AK8: variants seen among roughly 807,000 people sequenced by gnomAD.
AK8 encodes ATP-AMP transphosphorylase 8.
Under a neutral mutation model 54.6 loss-of-function variants are expected in AK8, and 44 were observed. The ratio of observed to expected loss-of-function variants is 0.81; its 90% CI spans 0.63 to 1.04. The LOEUF (loss-of-function observed/expected upper bound fraction) is 1.04, where lower values mean the gene tolerates loss of function less well. Among genes scored for constraint, AK8 ranks in the 50% least tolerant of loss-of-function variants. AK8 has a pLI of 0.00. For missense variants in AK8, 555 were observed against 613.6 expected (o/e 0.90, Z 1.01); for synonymous variants, 239 against 245.6 (o/e 0.97, Z 0.25).
chr9:132,764,763 C>T (rs1838644795), intron 11 of AK8, among the ~76,000 whole-genome samples: 1 of 152,126 alleles, frequency 6.6e-6, no homozygotes, highest in Admixed American at 6.5e-5. Context: ...ATAGTAATGG[C>T]CAAAACCACA....
intron 11 of AK8, among the ~76,000 whole-genome samples, chr9:132,749,569 G>T (rs576725775): frequency 6.6e-6 from 1 of 151,924 alleles, no homozygotes; most frequent in Non-Finnish European, 1.5e-5. Context: ...AGCTTGCCCC[G>T]ATATCGGCTG....
chr9:132,741,086 G>A (rs555391692), intron 11 of AK8, among the ~76,000 whole-genome samples: 1 of 152,280 alleles, frequency 6.6e-6, no homozygotes, highest in African/African-American at 2.4e-5. Context: ...GGGGCACCCT[G>A]GGCAAGCTGA....
At chr9:132,810,458 A>G (rs1035554616) in intron 10 of AK8, among the ~76,000 whole-genome samples, 9 of 152,192 alleles carry the variant, frequency 5.9e-5, no homozygotes, top group Non-Finnish European at 1.3e-4. Flanking sequence ...GGATGAATTA[A>G]GCCGGCTCTG....
At chr9:132,810,974 C>T (rs1407210971) in intron 10 of AK8, among the ~76,000 whole-genome samples, 1 of 151,932 alleles carries the variant, frequency 6.6e-6, no homozygotes, top group Non-Finnish European at 1.5e-5. Flanking sequence ...GGAAAATGGG[C>T]AAAGGGAAAA....
chr9:132,733,254 G>A (rs1836939810), intron 11 of AK8, among the ~76,000 whole-genome samples: 1 of 151,682 alleles, frequency 6.6e-6, no homozygotes, highest in South Asian at 2.1e-4. Context: ...CGGGGAGTGT[G>A]TAAACACAGG....
In AK8 at chr9:132,814,684, G is replaced by T. The variant is rs1426024195; in HGVS notation, c.933C>A (p.Thr311=). 5.6e-6 allele frequency: 9 copies of T among 1,613,956 alleles called. No homozygotes were observed. Among genetic ancestry groups the T allele is most frequent in the Non-Finnish European group, 7.6e-6 (9 of 1,180,040 alleles). Residue 311 remains threonine, a synonymous_variant, in exon 10 of 13, where the codon ACC becomes ACA. Transcript: ENST00000298545. The part of the protein sequence containing the change: ...QLLKEAVADR[T]TFGELIQPFF... ...AGGGCTGGATGAGCTCGCCAAACGTGGTCCTATCTGCCACAGCCTCTTTCA... is the reference window on the plus strand; with the variant it reads ...AGGGCTGGATGAGCTCGCCAAACGTTGTCCTATCTGCCACAGCCTCTTTCA...
chr9:132,764,288 C>A (rs1346928733), intron 11 of AK8, among the ~76,000 whole-genome samples: 1 of 152,004 alleles, frequency 6.6e-6, no homozygotes, highest in Non-Finnish European at 1.5e-5. Context: ...CCAGCCTGGA[C>A]AACAGAGCAA....
At chr9:132,865,250 C>A (rs73550622) in intron 3 of AK8, among the ~76,000 whole-genome samples, 17,744 of 152,186 alleles carry the variant, frequency 0.12, 2,210 homozygotes, top group African/African-American at 0.31. Context: ...GAAGGGTGAG[C>A]AGATGGACAG....
In AK8 at chr9:132,725,733, G is replaced by A; in HGVS notation, c.1395C>T (p.Tyr465=). Residue 465 remains tyrosine (Y), a synonymous_variant, in exon 13 of 13, where the codon TAC becomes TAT. Transcript: ENST00000298545. ...GGGGATTAATGATCCCACTCTCGAT[G>A]TATTCGAAGACTGTGTATGGGTCCT... ...GDQDPYTVFE[Y]IESGIINPLP... is the part of the protein sequence containing the mutation. 4 of 1,588,510 alleles carry A rather than the reference G, an allele frequency of 2.5e-6. No homozygotes were observed. The highest frequency in any genetic ancestry group is 3.4e-6 in the Non-Finnish European group (4 of 1,166,866).
chr9:132,776,679 C>T (rs1839235076), intron 11 of AK8, among the ~76,000 whole-genome samples: 1 of 152,212 alleles, frequency 6.6e-6, no homozygotes, highest in African/African-American at 2.4e-5. Context: ...CTCTTCAAGG[C>T]CACCTCCATG....
chr9:132,823,172 G>C, intron 9 of AK8, 33 bp downstream of exon 9: 1 of 1,508,350 alleles, frequency 6.6e-7, no homozygotes, highest in Non-Finnish European at 8.8e-7. Context: ...AAAGGCTCTC[G>C]AAGCTGGGCA....
At position 132,781,151 on chromosome 9, in the gene AK8, C is replaced by G. The variant is rs1010384101; in HGVS notation, c.1121+11483G>C. Among the ~76,000 whole-genome samples, 1 of 150,384 alleles carries G rather than the reference C, an allele frequency of 6.6e-6. No individual in the cohort carries two copies. The highest frequency in any genetic ancestry group is 1.5e-5 in the Non-Finnish European group (1 of 66,900). On this transcript the variant is annotated intron_variant, in intron 11 of 12. Coordinates refer to ENST00000298545, the MANE Select transcript of AK8 (RefSeq NM_152572.3). The surrounding 1 kb of genome is among the most constrained non-coding windows in gnomAD (Gnocchi z 4.6). Reference sequence around the variant, plus strand: ...TCTGGATGCAGCCATGAACATAGTTCTTTCTTTGTTTCTTTCTTTCTTTCT... The same window carrying G: ...TCTGGATGCAGCCATGAACATAGTTGTTTCTTTGTTTCTTTCTTTCTTTCT...
Position 132,854,885 on chromosome 9 carries a change from C to T in AK8, c.374G>A (p.Arg125His), listed in dbSNP as rs773290255. The T allele has an allele frequency of 2.0e-5, 33 of 1,613,944 alleles. No homozygotes were observed. The highest frequency in any genetic ancestry group is 2.4e-5 in the Non-Finnish European group (28 of 1,180,028). The change falls in exon 5 of 13, where the codon CGC (arginine) becomes CAC (histidine). Residue 125 changes from arginine (R) to histidine (H), a missense_variant. Transcript: ENST00000298545. ...SALLVQLIQERLAEEDCIKQG... is the reference protein window; with the variant it reads ...SALLVQLIQEHLAEEDCIKQG... ...CTTGATGCAATCCTCTTCAGCCAGG[C>T]GTTCCTGAATCAGCTGGACGAGCAG... is the stretch of plus-strand genomic sequence containing the variant.
intron 5 of AK8, among the ~76,000 whole-genome samples, chr9:132,841,288 C>T (rs148504342): frequency 1.9e-3 from 289 of 152,266 alleles, no homozygotes; most frequent in Non-Finnish European, 2.7e-3. Flanking sequence ...GATGTGAACC[C>T]GAGCCACGTG....
In AK8 at chr9:132,803,789, G is replaced by A. The variant is rs2131211436; in HGVS notation, c.979+10849C>T. Among the ~76,000 whole-genome samples the A allele has an allele frequency of 6.6e-6, 1 of 152,180 alleles. No homozygotes were observed. Among genetic ancestry groups the A allele is most frequent in the Admixed American group, 6.5e-5 (1 of 15,278 alleles). On this transcript the variant is annotated intron_variant, in intron 10 of 12. Coordinates refer to ENST00000298545, the MANE Select transcript of AK8 (RefSeq NM_152572.3). This position sits in a 1 kb window ranked among gnomAD's most constrained non-coding sequence, Gnocchi z 4.4. ...TCCTTCAGGCTGCATGCTGCCCCCT[G>A]TGACCTGTCTCCTCTTTGTTCCTTC...
At chr9:132,874,322 C>T (rs569542697) in intron 2 of AK8, 1 of 152,394 alleles carries the variant, frequency 6.6e-6, no homozygotes, top group Non-Finnish European at 1.5e-5. Flanking sequence ...TTTTTAACTA[C>T]CTAGTGTCAT....
chr9:132,846,300 G>A (rs1842745944), intron 5 of AK8, among the ~76,000 whole-genome samples: 1 of 152,226 alleles, frequency 6.6e-6, no homozygotes, highest in African/African-American at 2.4e-5. Context: ...GCCCACAGAT[G>A]CCTTGGCCCC....
chr9:132,878,283 G>C lies in AK8; in HGVS notation c.-28C>G. On this transcript the variant is annotated 5_prime_UTR_variant, in exon 1 of 13. Coordinates refer to ENST00000298545, the MANE Select transcript of AK8 (RefSeq NM_152572.3). The surrounding 1 kb of genome is among the most constrained non-coding windows in gnomAD (Gnocchi z 4.7). ...AGCCGTCTCGGCTCGCCGCTCCCTA[G>C]TAACCGCGTCGCTAGGGCCGCCGCG... is the stretch of plus-strand genomic sequence containing the variant. 4 of 1,342,880 alleles carry C rather than the reference G, an allele frequency of 3.0e-6. No homozygotes were observed. The highest frequency in any genetic ancestry group is 3.0e-5 in the African/African-American group (2 of 66,446). 83.2% of individuals were successfully genotyped at this position (1,342,880 alleles called of 1,614,324 possible). A position where few individuals can be genotyped will look rare whatever the true frequency, so the allele number is the denominator to read the frequency against.
At chr9:132,858,971 T>A (rs190682757) in intron 4 of AK8, among the ~76,000 whole-genome samples, 54 of 152,204 alleles carry the variant, frequency 3.5e-4, no homozygotes, top group African/African-American at 1.0e-3. Context: ...GGTAGAGCAG[T>A]CACCTCCTCT....
Sources: gnomAD v4.1 joint callset for allele counts (sites outside exome capture counted in the v4.1 genomes callset) on GRCh38, gnomAD v4.1.1 for gene constraint, Gnocchi (gnomAD v3.1) non-coding constraint, MANE v1.5 for transcripts, NCBI Gene and HGNC (gene_info 2026-07-23, HGNC 2026-07-21) for gene names.